Variants in CCL28 observed in about 807,000 individuals in gnomAD.
The protein encoded by CCL28 is C-C motif chemokine ligand 28, also known as C-C motif chemokine 28.
In CCL28, 4 loss-of-function variants were observed where a neutral mutation model predicts 7.1. The ratio of observed to expected loss-of-function variants is 0.56; its 90% CI spans 0.28 to 1.29. The LOEUF is 1.29. Ranked by LOEUF, CCL28 falls within the 50% of genes most tolerant of loss-of-function variation. The pLI is 0.11. For synonymous variants in CCL28, 55 were observed against 57.8 expected, an observed-to-expected ratio of 0.95 and a Z score of 0.22; for missense variants, 151 against 163.4, an observed-to-expected ratio of 0.92 and a Z score of 0.41.
At chr5:43,385,139 C>T (rs1407639191) in intron 2 of CCL28, among the ~76,000 whole-genome samples, 1 of 152,134 alleles carries the variant, frequency 6.6e-6, no homozygotes, top group African/African-American at 2.4e-5. Context: ...CCTCGTGATC[C>T]GCCTGCCTCG....
intron 1 of CCL28, among the ~76,000 whole-genome samples, chr5:43,399,716 C>A (rs1190032558): frequency 3.3e-5 from 5 of 152,126 alleles, no homozygotes; most frequent in Admixed American, 2.6e-4. Context: ...TAGGTACCAT[C>A]CCTGCACATT....
At chr5:43,374,226 T>C (rs138142231), downstream of CCL28, among the ~76,000 whole-genome samples, 47 of 152,354 alleles carry the variant, frequency 3.1e-4, no homozygotes, top group East Asian at 8.7e-3. Context: ...GGAGATGCTG[T>C]ACTGTTTTGA....
chr5:43,407,695 A>C (rs1321498399), intron 1 of CCL28, among the ~76,000 whole-genome samples: 1 of 152,238 alleles, frequency 6.6e-6, no homozygotes. Flanking sequence ...ATACCATCAG[A>C]GTGAACAGGC....
rs1043234947 is a variant in CCL28, at chr5:43,404,444, A to C, written c.64+7809T>G. On this transcript the variant is annotated intron_variant, in intron 1 of 2. Coordinates refer to ENST00000361115, the MANE Select transcript of CCL28 (RefSeq NM_148672.3). ...GTGAAGGAGAAATAAACCCCTTTACAGACAAGCAAATGCTGAGAGATTTTG... is the reference window on the plus strand; with the variant it reads ...GTGAAGGAGAAATAAACCCCTTTACCGACAAGCAAATGCTGAGAGATTTTG... Among the ~76,000 whole-genome samples the C allele has an allele frequency of 2.0e-5, 3 of 152,216 alleles. No individual in the cohort carries two copies. In the South Asian group the frequency reaches 6.2e-4, roughly 32 times the overall value.
At chr5:43,411,272 G>A (rs1741527306) in intron 1 of CCL28, among the ~76,000 whole-genome samples, 1 of 152,156 alleles carries the variant, frequency 6.6e-6, no homozygotes, top group African/African-American at 2.4e-5. Context: ...TCAGGATAAA[G>A]CTTAAAGAAA....
downstream of CCL28, among the ~76,000 whole-genome samples, chr5:43,377,717 CTTTTTTT>C (rs767834184): frequency 8.2e-4 from 35 of 42,700 alleles, no homozygotes; most frequent in African/African-American, 1.2e-3. Flanking sequence ...AGAACTTAAA[CTTTTTTT>C]TTTTTTTTTT....
chr5:43,404,844 A>C (rs1465108244), intron 1 of CCL28, among the ~76,000 whole-genome samples: 3 of 152,114 alleles, frequency 2.0e-5, no homozygotes, highest in African/African-American at 7.2e-5. Flanking sequence ...AAACAAAAAA[A>C]ACAGGGTTGC....
intron 2 of CCL28, among the ~76,000 whole-genome samples, chr5:43,385,570 A>T (rs1395757470): frequency 6.6e-6 from 1 of 152,212 alleles, no homozygotes; most frequent in African/African-American, 2.4e-5. Context: ...ACTAATCTGA[A>T]AACAAGAGAA....
chr5:43,370,280 A>T, the CCL28 span, among the ~76,000 whole-genome samples: 2 of 152,170 alleles, frequency 1.3e-5, no homozygotes, highest in Non-Finnish European at 2.9e-5. Flanking sequence ...ATACATAAAC[A>T]TGTGTTCAGT....
At position 43,388,405 on chromosome 5, in the gene CCL28, C is replaced by T. The variant is rs143639235; in HGVS notation, c.136G>A (p.Val46Met). 2 of 1,614,130 alleles carry T rather than the reference C, an allele frequency of 1.2e-6. No individual in the cohort carries two copies. The highest frequency in any genetic ancestry group is 8.5e-7 in the Non-Finnish European group (1 of 1,180,010). The change falls in exon 2 of 3, where the codon GTG becomes ATG. Residue 46 changes from valine to methionine, a missense_variant. Val to Met is a conservative substitution (Grantham distance 21, BLOSUM62 1). Transcript: ENST00000361115. ...HHISRRLLER[V>M]NMCRIQRADG... ...GCTCTCTGGATGCGACACATATTCA[C>T]TCTTTCCAGGAGCCTTCTGGAAATA...
At chr5:43,375,458 TAAAAAAAAAAAAAA>T (rs56289620), downstream of CCL28, among the ~76,000 whole-genome samples, 10 of 32,750 alleles carry the variant, frequency 3.1e-4, no homozygotes, top group Middle Eastern at 0.045. Context: ...GACAGAAAGC[TAAAAAAAAAAAAAA>T]AAAAAAAAAA....
chr5:43,361,703 A>G, the CCL28 span, among the ~76,000 whole-genome samples: 2 of 152,202 alleles, frequency 1.3e-5, no homozygotes, highest in Non-Finnish European at 2.9e-5. Flanking sequence ...AATGTTCTGT[A>G]TATGGCTAGC....
At chr5:43,405,717 T>G (rs1442003339) in intron 1 of CCL28, among the ~76,000 whole-genome samples, 2 of 152,154 alleles carry the variant, frequency 1.3e-5, no homozygotes, top group Admixed American at 1.3e-4. Flanking sequence ...AGCTGGTTTT[T>G]TGAAAAGATC....
intron 1 of CCL28, among the ~76,000 whole-genome samples, chr5:43,401,805 C>T (rs1349021390): frequency 6.6e-6 from 1 of 152,128 alleles, no homozygotes; most frequent in Non-Finnish European, 1.5e-5. Context: ...CCTTAATTTC[C>T]TGTTCTATGA....
At chr5:43,382,336 G>A (rs1740151016) in intron 2 of CCL28, among the ~76,000 whole-genome samples, 1 of 152,024 alleles carries the variant, frequency 6.6e-6, no homozygotes, top group South Asian at 2.1e-4. Flanking sequence ...AGAGAAGAAG[G>A]AGAAAAGGAG....
chr5:43,382,045 C>T lies in CCL28; in HGVS notation c.199G>A (p.Val67Ile). Residue 67 changes from valine to isoleucine, a missense_variant, in exon 3 of 3, where the codon GTC becomes ATC. Transcript: ENST00000361115. ...CTGACACAGATTCTTCTGCGCTTGA[C>T]ATGAAGGCTGTTAGAAAAGGAAGCA... is the stretch of plus-strand genomic sequence containing the variant. ...DCDLAAVILH[V>I]KRRRICVSPH... 2 of 1,604,772 alleles carry T rather than the reference C, an allele frequency of 1.2e-6. No homozygotes were observed. The highest frequency in any genetic ancestry group is 1.7e-6 in the Non-Finnish European group (2 of 1,175,344).
rs577324188 is a variant in CCL28 at position 43,388,541 on chromosome 5, T to C, written c.65-65A>G. 1.2e-4 allele frequency: 175 copies of C among 1,484,164 alleles called. 2 individuals carry two copies. The South Asian group carries it at 2.1e-3, about 18-fold the overall frequency. 91.9% of individuals were successfully genotyped at this position (1,484,164 alleles called of 1,614,324 possible). On this transcript the variant is annotated intron_variant, in intron 1 of 2. Transcript: ENST00000361115. ...TTATAGAACACTGGCATGGTTCTCA[T>C]TTTAAAGATTTCAGAGAAACAATGT...
intron 1 of CCL28, among the ~76,000 whole-genome samples, chr5:43,405,546 A>G (rs1741240907): frequency 6.6e-6 from 1 of 152,234 alleles, no homozygotes; most frequent in Non-Finnish European, 1.5e-5. Context: ...AGAAAGCAGG[A>G]AAGATCTAAA....
chr5:43,391,462 CTAA>C (rs1740569038), intron 1 of CCL28, among the ~76,000 whole-genome samples: 2 of 152,196 alleles, frequency 1.3e-5, no homozygotes, highest in South Asian at 4.1e-4. Flanking sequence ...TTCACCTAAA[CTAA>C]TACTTCTGTG....
Sources: gnomAD v4.1 joint callset for allele counts (sites outside exome capture counted in the v4.1 genomes callset) on GRCh38, gnomAD v4.1.1 for gene constraint, MANE v1.5 for transcripts, NCBI Gene and HGNC (gene_info 2026-07-23, HGNC 2026-07-21) for gene names.